The following APC variants were observed in gnomAD, a reference collection of about 807,000 sequenced individuals.
The protein encoded by APC is APC regulator of Wnt signaling pathway, also known as adenomatous polyposis coli protein.
A neutral mutation model predicts 247.0 loss-of-function variants in APC; 72 were observed. The ratio of observed to expected loss-of-function variants is 0.29; its 90% CI spans 0.24 to 0.35. APC has a LOEUF of 0.35. Ranked by LOEUF, APC falls within the 10% of genes least tolerant of loss-of-function variation. APC has a pLI of 1.00. For synonymous variants in APC, 1,254 were observed against 1,162.5 expected (o/e 1.08, Z -1.60); for missense variants, 3,400 against 3,360.7 (o/e 1.01, Z -0.29).
chr5:112,809,066 A>G (rs1242204321), intron 8 of APC, among the ~76,000 whole-genome samples: 1 of 152,136 alleles, frequency 6.6e-6, no homozygotes, highest in Non-Finnish European at 1.5e-5. Context: ...CAAAGCAGAA[A>G]TGCACCTGGG....
At chr5:112,714,469 G>A (rs1298949289) in intron 1 of APC, among the ~76,000 whole-genome samples, 2 of 152,218 alleles carry the variant, frequency 1.3e-5, no homozygotes, top group African/African-American at 4.8e-5. Flanking sequence ...ACATCTTCTA[G>A]TAAACTTTAG....
intron 8 of APC, among the ~76,000 whole-genome samples, chr5:112,809,954 T>C (rs952237039): frequency 6.6e-6 from 1 of 151,722 alleles, no homozygotes; most frequent in African/African-American, 2.4e-5. Context: ...CTGAGATCCT[T>C]CCACTGCACT....
chr5:112,712,805 C>T (rs926339694), intron 1 of APC, among the ~76,000 whole-genome samples: 2 of 152,196 alleles, frequency 1.3e-5, no homozygotes, highest in Admixed American at 6.5e-5. Flanking sequence ...CTGTCAATCA[C>T]GTGTCAGATC....
At chr5:112,810,228 G>C in intron 8 of APC, 2 of 446,808 alleles carry the variant, frequency 4.5e-6, no homozygotes, top group Non-Finnish European at 8.9e-6. Context: ...AAAGGATCCA[G>C]AGCACATCTA....
At chr5:112,737,773 C>T (rs2149681999), upstream of APC, 2 of 912,688 alleles carry the variant, frequency 2.2e-6, no homozygotes, top group Non-Finnish European at 2.6e-6. Flanking sequence ...CTGTGTAATC[C>T]GCTGGATGCG....
intron 7 of APC, 122 bp downstream of exon 7, chr5:112,792,651 A>G (rs746802998): frequency 5.7e-5 from 41 of 719,806 alleles, no homozygotes; most frequent in Non-Finnish European, 9.4e-5. Flanking sequence ...GAATTTAAAT[A>G]CCGTAATTTT....
intron 1 of APC, among the ~76,000 whole-genome samples, chr5:112,749,607 C>T (rs567596502): frequency 6.6e-6 from 1 of 151,310 alleles, no homozygotes; most frequent in Admixed American, 6.6e-5. Flanking sequence ...CCTGCCTCAG[C>T]CTCCGGAGGC....
intron 10 of APC, among the ~76,000 whole-genome samples, chr5:112,820,879 T>C (rs1763051314): frequency 6.6e-6 from 1 of 152,138 alleles, no homozygotes. Context: ...CTGTTTGTAT[T>C]GAGACAGGGT....
chr5:112,709,290 A>G (rs931806862), intron 1 of APC, among the ~76,000 whole-genome samples: 2 of 152,076 alleles, frequency 1.3e-5, no homozygotes, highest in South Asian at 2.1e-4. Flanking sequence ...CACATAATCT[A>G]TTTTTCCCTT....
chr5:112,735,409 C>G (rs957338780), upstream of APC, among the ~76,000 whole-genome samples: 6 of 151,966 alleles, frequency 3.9e-5, no homozygotes, highest in African/African-American at 1.5e-4. Context: ...AACTCCTGAG[C>G]TCAAGTGAAC....
chr5:112,782,125 G>T (rs1346976722), intron 6 of APC, among the ~76,000 whole-genome samples: 1 of 152,198 alleles, frequency 6.6e-6, no homozygotes, highest in African/African-American at 2.4e-5. Context: ...TACGTGGCTG[G>T]GGAATCCTCA....
chr5:112,810,405 GAGA>G (rs918238822), intron 8 of APC: 1 of 220,170 alleles, frequency 4.5e-6, no homozygotes, highest in Non-Finnish European at 9.2e-6. Flanking sequence ...TATGCAGTAA[GAGA>G]AGAAGAGCCA....
At chr5:112,745,405 G>T (rs940275484) in intron 1 of APC, among the ~76,000 whole-genome samples, 1 of 151,998 alleles carries the variant, frequency 6.6e-6, no homozygotes, top group Non-Finnish European at 1.5e-5. Flanking sequence ...ATAAAGAGGG[G>T]AACACTTCAT....
rs2149637194 is a variant in APC, at chr5:112,710,809, A to C, written c.165+2927A>C. Among the ~76,000 whole-genome samples the C allele has an allele frequency of 2.6e-5, 4 of 152,290 alleles. 1 individual carries two copies. The Middle Eastern group carries it at 0.014, about 518-fold the overall frequency. ...TAACTGTGGGTATGTTACTATTCAG[A>C]TTTCATTCTGTATCTATAAAATATG... On this transcript the variant is annotated intron_variant, in intron 1 of 13. Transcript: ENST00000507379.
At chr5:112,835,582 T>C (rs1318878423) in intron 15 of APC, among the ~76,000 whole-genome samples, 1 of 151,034 alleles carries the variant, frequency 6.6e-6, no homozygotes, top group Non-Finnish European at 1.5e-5. Flanking sequence ...ATTTTTTTTT[T>C]TTTTTTTTGA....
intron 1 of APC, chr5:112,738,299 G>A (rs139105798): frequency 2.0e-6 from 2 of 985,468 alleles, no homozygotes; most frequent in Non-Finnish European, 2.4e-6. Flanking sequence ...TATTCATGGC[G>A]AGGAGCAAAA....
rs1758397308 is a variant in APC, at chr5:112,781,942, C to T, written c.645+1039C>T. On this transcript the variant is annotated intron_variant, in intron 6 of 15. Transcript: ENST00000257430. ...CTAGTTTTTGTTTCGCCATGTTTGC[C>T]AGGCTGGTCTTGAACTGCTGACCTC... is the stretch of plus-strand genomic sequence containing the variant. Among the ~76,000 whole-genome samples, 3 of 152,112 alleles carry T rather than the reference C, an allele frequency of 2.0e-5. No individual in the cohort carries two copies. In the South Asian group the frequency reaches 6.2e-4, roughly 32 times the overall value.
At chr5:112,732,485 G>A (rs1752147373) in intron 1 of APC, among the ~76,000 whole-genome samples, 3 of 152,120 alleles carry the variant, frequency 2.0e-5, no homozygotes, top group African/African-American at 4.8e-5. Context: ...AGAATATTCC[G>A]TTTCCTCAGT....
In APC at chr5:112,783,782, A is replaced by G. The variant is rs1758634384; in HGVS notation, c.645+2879A>G. On this transcript the variant is annotated intron_variant, in intron 6 of 15. Transcript: ENST00000257430. ...ACTGCACTCAAAAAAAAAAAAAAAAAAAGAGAAAGAAAGGAAAGAAAAGAA... is the reference window on the plus strand; with the variant it reads ...ACTGCACTCAAAAAAAAAAAAAAAAGAAGAGAAAGAAAGGAAAGAAAAGAA... 3 of 392,036 alleles carry G rather than the reference A, an allele frequency of 7.7e-6. 1 individual carries two copies. Among genetic ancestry groups the G allele is most frequent in the South Asian group, 3.8e-5 (2 of 52,836 alleles). 24.3% of individuals were successfully genotyped at this position (392,036 alleles called of 1,614,324 possible). A position where few individuals can be genotyped will look rare whatever the true frequency, so the allele number is the denominator to read the frequency against.
Sources: allele counts gnomAD v4.1 joint callset (sites outside exome capture counted in the v4.1 genomes callset), GRCh38; gene constraint gnomAD v4.1.1; transcripts MANE v1.5; gene names NCBI Gene and HGNC (gene_info 2026-07-23, HGNC 2026-07-21).